Variants in KALRN observed in about 807,000 individuals in gnomAD.
KALRN encodes kalirin RhoGEF kinase.
In KALRN, 70 loss-of-function variants were observed where a neutral mutation model predicts 353.7. The ratio of observed to expected loss-of-function variants is 0.20; its 90% confidence interval spans 0.16 to 0.24. The LOEUF is 0.24. Among genes scored for constraint, KALRN ranks in the 10% least tolerant of loss-of-function variants. The probability of loss-of-function intolerance (pLI) is 1.00; values close to 1 mark genes in which losing one functional copy is unlikely to be tolerated. For synonymous variants in KALRN, 1,391 were observed against 1,434.8 expected (o/e 0.97, Z 0.69); for missense variants, 2,791 against 3,756.7 (o/e 0.74, Z 6.72).
intron 1 of KALRN, among the ~76,000 whole-genome samples, chr3:124,076,817 A>G (rs887450566): frequency 1.3e-5 from 2 of 152,228 alleles, no homozygotes; most frequent in East Asian, 1.9e-4. Flanking sequence ...GATTGATGCC[A>G]TGTAGGAATG....
intron 1 of KALRN, among the ~76,000 whole-genome samples, chr3:124,120,788 C>T (rs1231965399): frequency 6.9e-6 from 1 of 145,062 alleles, no homozygotes; most frequent in Non-Finnish European, 1.5e-5. Context: ...TGTATTTATG[C>T]AGCACCTTCT....
intron 3 of KALRN, among the ~76,000 whole-genome samples, chr3:124,255,397 G>A (rs774419163): frequency 1.3e-5 from 2 of 152,076 alleles, no homozygotes; most frequent in African/African-American, 2.4e-5. Context: ...TCTCCTTCTA[G>A]AATGAAACTT....
intron 34 of KALRN, among the ~76,000 whole-genome samples, chr3:124,621,954 C>G (rs2079318351): frequency 6.6e-6 from 1 of 152,204 alleles, no homozygotes; most frequent in Non-Finnish European, 1.5e-5. Flanking sequence ...TTTGGCCCTC[C>G]CATTACGTGC....
At chr3:124,208,718 A>T (rs1038951286) in intron 1 of KALRN, among the ~76,000 whole-genome samples, 1 of 152,190 alleles carries the variant, frequency 6.6e-6, no homozygotes, top group African/African-American at 2.4e-5. Flanking sequence ...TAATCTAAGC[A>T]CTTTGGGAGG....
At chr3:124,366,956 G>A (rs2084844429) in intron 10 of KALRN, among the ~76,000 whole-genome samples, 1 of 141,236 alleles carries the variant, frequency 7.1e-6, no homozygotes, top group Non-Finnish European at 1.5e-5. Flanking sequence ...AGTAGGGGTG[G>A]CCAGGCAGAG....
intron 1 of KALRN, among the ~76,000 whole-genome samples, chr3:124,135,726 G>C (rs923051806): frequency 6.6e-6 from 1 of 151,954 alleles, no homozygotes; most frequent in African/African-American, 2.4e-5. Flanking sequence ...CAGTCATGAA[G>C]TTTTCTTTCT....
At chr3:124,242,999 G>C (rs1473927828) in intron 3 of KALRN, among the ~76,000 whole-genome samples, 2 of 152,238 alleles carry the variant, frequency 1.3e-5, no homozygotes, top group Non-Finnish European at 2.9e-5. Context: ...ACTATCAGTA[G>C]CAGGGACCCC....
intron 10 of KALRN, among the ~76,000 whole-genome samples, chr3:124,363,576 G>A (rs902660339): frequency 6.6e-6 from 1 of 152,172 alleles, no homozygotes; most frequent in Non-Finnish European, 1.5e-5. Flanking sequence ...AGGGGATATG[G>A]TGACAGTGGA....
At chr3:124,649,788 A>AGATAGATAGATAGAT (rs1214040154) in intron 37 of KALRN, among the ~76,000 whole-genome samples, 2 of 102,788 alleles carry the variant, frequency 1.9e-5, no homozygotes, top group African/African-American at 4.1e-5. Flanking sequence ...ACCCTGTCTC[A>AGATAGATAGATAGAT]AAATAGATAG....
chr3:124,673,961 T>C (rs986061628), intron 48 of KALRN, among the ~76,000 whole-genome samples: 1 of 152,150 alleles, frequency 6.6e-6, no homozygotes. Flanking sequence ...GTTCTTTCCA[T>C]TGAAGGATTG....
At chr3:124,329,797 C>T in intron 7 of KALRN, 64 bp from the exon 8 acceptor site, 1 of 1,567,038 alleles carries the variant, frequency 6.4e-7, no homozygotes, top group African/African-American at 1.3e-5. Flanking sequence ...ACCCTCTCTC[C>T]ATAATCCACC....
chr3:124,448,919 C>A (rs1348582297), intron 21 of KALRN, among the ~76,000 whole-genome samples: 1 of 152,190 alleles, frequency 6.6e-6, no homozygotes, highest in Non-Finnish European at 1.5e-5. Flanking sequence ...TCACCCCCTC[C>A]TCATTTATAT....
chr3:124,150,553 T>C (rs900016903), intron 1 of KALRN, among the ~76,000 whole-genome samples: 1 of 152,202 alleles, frequency 6.6e-6, no homozygotes, highest in African/African-American at 2.4e-5. Flanking sequence ...CAACAAATTC[T>C]CATTTTGAAG....
rs763797580 is a variant in KALRN, at chr3:124,456,699, A to G, written c.3825A>G (p.Glu1275=). The G allele has an allele frequency of 3.1e-6, 5 of 1,612,904 alleles. No individual in the cohort carries two copies. The Admixed American group carries it at 8.3e-5, about 27-fold the overall frequency. ...KLRDANHEVN[E]EKRKSARKKE... ...GGGACGCCAACCACGAAGTCAATGAAGAGAAGCGGAAGTCAGCCCGGAAGA... is the reference window on the plus strand; with the variant it reads ...GGGACGCCAACCACGAAGTCAATGAGGAGAAGCGGAAGTCAGCCCGGAAGA... Residue 1275 remains glutamate (E), a synonymous_variant, in exon 23 of 60, where the codon GAA becomes GAG. Coordinates refer to ENST00000682506, the MANE Select transcript of KALRN (RefSeq NM_001388419.1).
At chr3:124,096,948 T>C (rs1350057595) in intron 1 of KALRN, among the ~76,000 whole-genome samples, 2 of 152,216 alleles carry the variant, frequency 1.3e-5, no homozygotes, top group Non-Finnish European at 2.9e-5. Flanking sequence ...TCACCACATA[T>C]GGCTGTAATT....
chr3:124,150,464 C>G (rs1024733756), intron 1 of KALRN, among the ~76,000 whole-genome samples: 1 of 152,022 alleles, frequency 6.6e-6, no homozygotes, highest in Non-Finnish European at 1.5e-5. Context: ...TATACATGTG[C>G]CATGCTGGTG....
At chr3:124,559,858 A>T (rs1195435223) in intron 33 of KALRN, among the ~76,000 whole-genome samples, 8 of 152,212 alleles carry the variant, frequency 5.3e-5, no homozygotes, top group Admixed American at 5.2e-4. Flanking sequence ...CATTGAGGTG[A>T]AGTGAACCAG....
intron 34 of KALRN, among the ~76,000 whole-genome samples, chr3:124,597,483 G>C (rs1476199394): frequency 6.6e-6 from 1 of 152,220 alleles, no homozygotes; most frequent in Non-Finnish European, 1.5e-5. Flanking sequence ...CTCCCCAGGG[G>C]ATGCAGGGTT....
At chr3:124,619,951 A>G (rs1262390494) in intron 34 of KALRN, among the ~76,000 whole-genome samples, 1 of 151,920 alleles carries the variant, frequency 6.6e-6, no homozygotes, top group African/African-American at 2.4e-5. Flanking sequence ...AACAGGTATG[A>G]GATGATATCA....
Sources: allele counts gnomAD v4.1 joint callset (sites outside exome capture counted in the v4.1 genomes callset), GRCh38; gene constraint gnomAD v4.1.1; transcripts MANE v1.5; gene names NCBI Gene and HGNC (gene_info 2026-07-23, HGNC 2026-07-21).